AUTS2: variants seen among roughly 807,000 people sequenced by gnomAD.
The protein encoded by AUTS2 is activator of transcription and developmental regulator AUTS2.
In AUTS2, 17 loss-of-function variants were observed where a neutral mutation model predicts 112.4. The observed-to-expected ratio is 0.15, with a 90% CI of 0.10 to 0.23. The LOEUF is 0.23. AUTS2 is among the 10% of genes least tolerant of loss of function. AUTS2 has a pLI of 1.00. For missense variants in AUTS2, 1,510 were observed against 1,701.6 expected (o/e 0.89, Z 1.98); for synonymous variants, 751 against 702.7 (o/e 1.07, Z -1.09).
chr7:70,044,856 G>A (rs927777611), intron 2 of AUTS2, among the ~76,000 whole-genome samples: 1 of 151,932 alleles, frequency 6.6e-6, no homozygotes, highest in African/African-American at 2.4e-5. Flanking sequence ...ACTATGTCAA[G>A]AGAGAAATGT....
chr7:69,862,481 C>G (rs1584355519), intron 1 of AUTS2, among the ~76,000 whole-genome samples: 1 of 152,168 alleles, frequency 6.6e-6, no homozygotes. Flanking sequence ...ATCGCCCAGT[C>G]AGACACAAAG....
At chr7:69,797,102 C>T (rs1282938173) in intron 1 of AUTS2, among the ~76,000 whole-genome samples, 1 of 152,048 alleles carries the variant, frequency 6.6e-6, no homozygotes, top group Non-Finnish European at 1.5e-5. Context: ...GGCTAAACTT[C>T]AACTTTTGGG....
chr7:70,191,558 A>T (rs1287744795), intron 4 of AUTS2, among the ~76,000 whole-genome samples: 1 of 152,180 alleles, frequency 6.6e-6, no homozygotes, highest in East Asian at 1.9e-4. Context: ...GTCTTATTTC[A>T]TAGTCATGCA....
At chr7:70,105,930 A>G (rs1043735574) in intron 2 of AUTS2, among the ~76,000 whole-genome samples, 3 of 152,180 alleles carry the variant, frequency 2.0e-5, no homozygotes, top group Admixed American at 2.0e-4. Context: ...ATAAATTTAT[A>G]TTAATCAGTA....
At chr7:69,956,305 A>C (rs541451719) in intron 2 of AUTS2, among the ~76,000 whole-genome samples, 1 of 152,296 alleles carries the variant, frequency 6.6e-6, no homozygotes, top group Admixed American at 6.5e-5. Context: ...ATACATACAT[A>C]TGCACATGCT....
intron 2 of AUTS2, among the ~76,000 whole-genome samples, chr7:70,068,921 C>G (rs1389615374): frequency 6.6e-6 from 1 of 152,138 alleles, no homozygotes; most frequent in African/African-American, 2.4e-5. Context: ...AGTGATAATC[C>G]AGAAGGATTG....
rs114054547 is a variant in AUTS2, at chr7:70,517,751, A to G, written c.690+81970A>G. Among the ~76,000 whole-genome samples, 645 of 152,016 alleles carry G rather than the reference A, an allele frequency of 4.2e-3. 7 individuals are homozygous for G. The highest frequency in any genetic ancestry group is 0.014 in the African/African-American group (599 of 41,490). On this transcript the variant is annotated intron_variant, in intron 5 of 18. Transcript: ENST00000342771. The stretch of plus-strand genomic sequence containing the variant: ...TGTATACATATGAATACACACACAC[A>G]CGATTTGTGTCCAGTTAATGATAGA...
intron 2 of AUTS2, among the ~76,000 whole-genome samples, chr7:69,990,351 G>A (rs555735028): frequency 2.0e-5 from 3 of 152,268 alleles, no homozygotes; most frequent in South Asian, 4.1e-4. Context: ...CATTGTTACC[G>A]TCTGTATAGA....
chr7:69,790,071 A>T (rs1283304868), intron 1 of AUTS2, among the ~76,000 whole-genome samples: 1 of 152,106 alleles, frequency 6.6e-6, no homozygotes, highest in Admixed American at 6.5e-5. Context: ...GCTTGAGCTC[A>T]GGAGTTTAAG....
chr7:70,331,512 A>C (rs1202446077), intron 4 of AUTS2, among the ~76,000 whole-genome samples: 2 of 139,216 alleles, frequency 1.4e-5, no homozygotes, highest in Non-Finnish European at 3.1e-5. Flanking sequence ...TCCTGGACTC[A>C]TTGATTTTTT....
chr7:69,647,754 C>G (rs1233437091), intron 1 of AUTS2, among the ~76,000 whole-genome samples: 1 of 152,194 alleles, frequency 6.6e-6, no homozygotes, highest in Admixed American at 6.5e-5. Context: ...GAAATAGTCT[C>G]ATAGTTTTGG....
At chr7:70,234,088 A>C (rs12674397) in intron 4 of AUTS2, among the ~76,000 whole-genome samples, 17,029 of 152,258 alleles carry the variant, frequency 0.11, 1,032 homozygotes, top group Admixed American at 0.14. Flanking sequence ...ATTCTAACCA[A>C]GCTGTGGGCA....
chr7:70,772,673 A>G (rs1449825673), intron 11 of AUTS2, among the ~76,000 whole-genome samples: 5 of 152,248 alleles, frequency 3.3e-5, no homozygotes, highest in Non-Finnish European at 7.3e-5. Context: ...TCCCCCTTCA[A>G]AATCACCTGC....
intron 5 of AUTS2, among the ~76,000 whole-genome samples, chr7:70,636,377 CT>C (rs1805533879): frequency 6.6e-6 from 1 of 152,164 alleles, no homozygotes; most frequent in South Asian, 2.1e-4. Flanking sequence ...TTCAGAACCA[CT>C]ACTCTAAGCA....
chr7:70,203,413 T>C (rs9771457), intron 4 of AUTS2, among the ~76,000 whole-genome samples: 2 of 150,638 alleles, frequency 1.3e-5, no homozygotes, highest in Admixed American at 6.6e-5. Context: ...TACTTTTCAT[T>C]AACGTGTTGA....
chr7:70,138,713 A>T (rs887894675), intron 4 of AUTS2, among the ~76,000 whole-genome samples: 1 of 152,232 alleles, frequency 6.6e-6, no homozygotes, highest in Non-Finnish European at 1.5e-5. Flanking sequence ...CTGCCGCATT[A>T]TATAGTAAAG....
chr7:69,606,293 A>T (rs1394000855), intron 1 of AUTS2, among the ~76,000 whole-genome samples: 1 of 152,216 alleles, frequency 6.6e-6, no homozygotes, highest in African/African-American at 2.4e-5. Flanking sequence ...GAATGTTAGG[A>T]TTAGAAATGA....
intron 2 of AUTS2, among the ~76,000 whole-genome samples, chr7:70,042,892 T>C (rs1322209816): frequency 6.6e-6 from 1 of 152,122 alleles, no homozygotes; most frequent in Non-Finnish European, 1.5e-5. Flanking sequence ...TCAGCCAGTA[T>C]TTTGCTTGGA....
intron 2 of AUTS2, among the ~76,000 whole-genome samples, chr7:69,975,210 G>T (rs1584514336): frequency 6.6e-6 from 1 of 151,424 alleles, no homozygotes; most frequent in African/African-American, 2.4e-5. Context: ...TGGCCTTCAG[G>T]GTTTCTCATG....
Sources: gnomAD v4.1 joint callset for allele counts (sites outside exome capture counted in the v4.1 genomes callset) on GRCh38, gnomAD v4.1.1 for gene constraint, MANE v1.5 for transcripts, NCBI Gene and HGNC (gene_info 2026-07-23, HGNC 2026-07-21) for gene names.